The following ANKRD11 variants were observed in gnomAD, a reference collection of about 807,000 sequenced individuals.
ANKRD11 encodes the protein ankyrin repeat domain-containing protein 11.
ANKRD11 carries 17 observed loss-of-function variants against 195.7 expected under a neutral mutation model. The observed-to-expected ratio is 0.09, with a 90% CI of 0.06 to 0.13. ANKRD11 has a LOEUF of 0.13. ANKRD11 is among the 10% of genes least tolerant of loss of function. ANKRD11 has a pLI of 1.00. For missense variants in ANKRD11, 3,735 were observed against 3,566.1 expected (o/e 1.05, Z -1.21); for synonymous variants, 1,953 against 1,528.1 (o/e 1.28, Z -6.49).
At chr16:89,414,985 C>A (rs577333475) in intron 2 of ANKRD11, among the ~76,000 whole-genome samples, 1 of 152,286 alleles carries the variant, frequency 6.6e-6, no homozygotes, top group East Asian at 1.9e-4. Flanking sequence ...CACCCTGCGG[C>A]CCAGGCTGGA....
chr16:89,276,448 C>A (rs146554367), intron 9 of ANKRD11, among the ~76,000 whole-genome samples: 138 of 152,346 alleles, frequency 9.1e-4, no homozygotes, highest in African/African-American at 3.2e-3. Flanking sequence ...GTGGACGGGC[C>A]TGACCAGGCC....
chr16:89,294,453 A>C (rs1409325907), intron 4 of ANKRD11, among the ~76,000 whole-genome samples: 1 of 152,144 alleles, frequency 6.6e-6, no homozygotes, highest in African/African-American at 2.4e-5. Flanking sequence ...CTGTGAAACA[A>C]GCACCTGCAG....
chr16:89,428,382 C>T (rs1301720578), intron 1 of ANKRD11, among the ~76,000 whole-genome samples: 1 of 151,652 alleles, frequency 6.6e-6, no homozygotes, highest in Non-Finnish European at 1.5e-5. Context: ...AAAAATTAGC[C>T]AAGCGTGGTG....
chr16:89,448,935 T>C (rs2043931424), intron 1 of ANKRD11, among the ~76,000 whole-genome samples: 1 of 152,238 alleles, frequency 6.6e-6, no homozygotes, highest in Non-Finnish European at 1.5e-5. Context: ...CATGTTTTAC[T>C]TGCCCATATC....
intron 2 of ANKRD11, among the ~76,000 whole-genome samples, chr16:89,362,127 C>G (rs1210726708): frequency 6.6e-6 from 1 of 152,246 alleles, no homozygotes; most frequent in African/African-American, 2.4e-5. Context: ...TTTACCCAAT[C>G]TGACATGTGG....
At chr16:89,373,662 A>G (rs921098369) in intron 2 of ANKRD11, among the ~76,000 whole-genome samples, 1 of 152,230 alleles carries the variant, frequency 6.6e-6, no homozygotes, top group Admixed American at 6.5e-5. Context: ...AAATGAAAAC[A>G]TCATGTAACT....
At chr16:89,322,867 T>C (rs77753929) in intron 2 of ANKRD11, among the ~76,000 whole-genome samples, 1,615 of 152,128 alleles carry the variant, frequency 0.011, 26 homozygotes, top group African/African-American at 0.036. Context: ...GTTTGTTTGT[T>C]TGAGACAGCT....
intron 4 of ANKRD11, chr16:89,300,673 C>A: frequency 1.9e-6 from 1 of 532,240 alleles, no homozygotes; most frequent in Non-Finnish European, 3.3e-6. Context: ...TCAGAACAGC[C>A]GTCTCCTATC....
At chr16:89,453,395 C>A (rs1425051992) in intron 1 of ANKRD11, among the ~76,000 whole-genome samples, 1 of 152,160 alleles carries the variant, frequency 6.6e-6, no homozygotes, top group Admixed American at 6.5e-5. Context: ...GAAGTTTCCT[C>A]AAAATTTCTA....
rs188396851 is a variant in ANKRD11 at position 89,446,113 on chromosome 16, A to C, written c.-144-27745T>G. Among the ~76,000 whole-genome samples, 816 of 152,262 alleles carry C rather than the reference A, an allele frequency of 5.4e-3. 12 individuals carry two copies. The highest frequency in any genetic ancestry group is 0.018 in the African/African-American group (759 of 41,562). On this transcript the variant is annotated intron_variant, in intron 1 of 12. Coordinates refer to ENST00000301030, the MANE Select transcript of ANKRD11 (RefSeq NM_013275.6). ...CTTAGAACCACCATCTTTAAAAAAA[A>C]AAAACTGTTTAAAAAGGACTTCCAA... is the stretch of plus-strand genomic sequence containing the variant.
chr16:89,462,160 G>A (rs941222563), intron 1 of ANKRD11, among the ~76,000 whole-genome samples: 4 of 150,438 alleles, frequency 2.7e-5, no homozygotes, highest in African/African-American at 7.3e-5. Flanking sequence ...CTGCCATCTC[G>A]GCTCACTGCA....
intron 1 of ANKRD11, among the ~76,000 whole-genome samples, chr16:89,450,663 C>T (rs147549314): frequency 3.9e-4 from 59 of 152,250 alleles, no homozygotes; most frequent in African/African-American, 1.4e-3. Context: ...ATTCTCAAAA[C>T]ATTCTATTTT....
intron 7 of ANKRD11, 78 bp from the exon 8 acceptor site, chr16:89,286,264 C>G: frequency 6.3e-7 from 1 of 1,588,634 alleles, no homozygotes; most frequent in Non-Finnish European, 8.5e-7. Flanking sequence ...CACGGCAGCC[C>G]CTTCCGAGAA....
intron 4 of ANKRD11, among the ~76,000 whole-genome samples, chr16:89,295,141 G>C (rs974866182): frequency 6.6e-6 from 1 of 152,310 alleles, no homozygotes; most frequent in East Asian, 1.9e-4. Flanking sequence ...CTCTGACCCC[G>C]GGGTGGGGGT....
At chr16:89,486,303 CG>C (rs1567871504) in intron 1 of ANKRD11, among the ~76,000 whole-genome samples, 1 of 151,876 alleles carries the variant, frequency 6.6e-6, no homozygotes, top group African/African-American at 2.4e-5. Context: ...TAGCTGGGCA[CG>C]GCGGCACATG....
intron 2 of ANKRD11, among the ~76,000 whole-genome samples, chr16:89,402,738 G>A (rs938932966): frequency 2.7e-5 from 4 of 145,784 alleles, no homozygotes; most frequent in Admixed American, 2.1e-4. Context: ...TCTGTGGGGT[G>A]AGATAGGGGG....
At chr16:89,435,832 ACACG>A (rs2043193849) in intron 1 of ANKRD11, among the ~76,000 whole-genome samples, 1 of 150,654 alleles carries the variant, frequency 6.6e-6, no homozygotes, top group East Asian at 2.0e-4. Flanking sequence ...ACACACACAC[ACACG>A]CTTTCGGTCT....
intron 2 of ANKRD11, among the ~76,000 whole-genome samples, chr16:89,399,249 G>T (rs1033857909): frequency 6.6e-6 from 1 of 152,180 alleles, no homozygotes; most frequent in South Asian, 2.1e-4. Context: ...TCATTTATCC[G>T]TAAGAGAAGC....
intron 9 of ANKRD11, among the ~76,000 whole-genome samples, chr16:89,275,671 T>G (rs953352687): frequency 6.6e-6 from 1 of 152,034 alleles, no homozygotes; most frequent in Non-Finnish European, 1.5e-5. Flanking sequence ...GGTCTTGCAG[T>G]GGCTCGGGGG....
Sources: allele counts gnomAD v4.1 joint callset (sites outside exome capture counted in the v4.1 genomes callset), GRCh38; gene constraint gnomAD v4.1.1; transcripts MANE v1.5; gene names NCBI Gene and HGNC (gene_info 2026-07-23, HGNC 2026-07-21).